WWOX: variants seen among roughly 807,000 people sequenced by gnomAD.
WWOX encodes the protein WW domain containing oxidoreductase, also known as WW domain-containing oxidoreductase.
A neutral mutation model predicts 46.2 loss-of-function variants in WWOX; 69 were observed. The observed-to-expected ratio is 1.49, with a 90% CI of 1.23 to 1.82. The LOEUF is 1.82. Among genes scored for constraint, WWOX ranks in the 40% most tolerant of loss-of-function variants. The pLI is 0.00. For missense variants in WWOX, 919 were observed against 542.6 expected (o/e 1.69, Z -6.89); for synonymous variants, 359 against 202.6 (o/e 1.77, Z -6.56).
At chr16:78,378,787 G>C (rs2081887634) in intron 5 of WWOX, among the ~76,000 whole-genome samples, 2 of 152,226 alleles carry the variant, frequency 1.3e-5, no homozygotes, top group Admixed American at 1.3e-4. Context: ...TCTGAGTGTA[G>C]ATTATTGCCG....
chr16:78,668,278 C>G (rs972298981), intron 8 of WWOX, among the ~76,000 whole-genome samples: 2 of 152,152 alleles, frequency 1.3e-5, no homozygotes, highest in African/African-American at 4.8e-5. Context: ...AAGACTTTGT[C>G]TCAAACAAAC....
chr16:78,706,677 C>G (rs887497100), intron 8 of WWOX, among the ~76,000 whole-genome samples: 4 of 152,212 alleles, frequency 2.6e-5, no homozygotes, highest in African/African-American at 4.8e-5. Flanking sequence ...AAGGCTCTTT[C>G]AGCTGCTCTT....
At chr16:78,648,624 C>T (rs750178693) in intron 8 of WWOX, among the ~76,000 whole-genome samples, 1 of 152,176 alleles carries the variant, frequency 6.6e-6, no homozygotes, top group Non-Finnish European at 1.5e-5. Flanking sequence ...CCAGAGAAAG[C>T]CACATATGCT....
At chr16:78,391,389 G>T (rs955723940) in intron 6 of WWOX, among the ~76,000 whole-genome samples, 2 of 152,182 alleles carry the variant, frequency 1.3e-5, no homozygotes, top group Non-Finnish European at 1.5e-5. Flanking sequence ...AAATTACAAG[G>T]TTGCAGTGCA....
At chr16:78,625,170 A>G (rs377307638) in intron 8 of WWOX, among the ~76,000 whole-genome samples, 1 of 152,148 alleles carries the variant, frequency 6.6e-6, no homozygotes, top group Non-Finnish European at 1.5e-5. Flanking sequence ...ACGCTGAGGG[A>G]TCCTTTGACA....
chr16:78,379,443 C>G lies in WWOX; in HGVS notation c.517-7417C>G, dbSNP rs1326109009. 2.6e-5 allele frequency among the ~76,000 whole-genome samples: 4 copies of G among 152,156 alleles called. No individual in the cohort carries two copies. The East Asian group carries it at 7.7e-4, about 29-fold the overall frequency. The stretch of plus-strand genomic sequence containing the variant: ...AACACAGCCATCTAGTGTACCTGGG[C>G]TTCTTCCACCTCCAGCCACTGTACC... On this transcript the variant is annotated intron_variant, in intron 5 of 8. Coordinates refer to ENST00000566780, the MANE Select transcript of WWOX (RefSeq NM_016373.4).
At chr16:79,049,399 C>A (rs777365441) in intron 8 of WWOX, among the ~76,000 whole-genome samples, 1 of 152,172 alleles carries the variant, frequency 6.6e-6, no homozygotes, top group African/African-American at 2.4e-5. Context: ...CTGCTCAGGG[C>A]TGGCAGTTGT....
At chr16:78,504,136 G>GA (rs2085136138) in intron 8 of WWOX, among the ~76,000 whole-genome samples, 2 of 152,106 alleles carry the variant, frequency 1.3e-5, no homozygotes, top group African/African-American at 4.8e-5. Flanking sequence ...TACAAAGCTA[G>GA]AAACTACAAA....
At chr16:78,658,516 G>A (rs990433878) in intron 8 of WWOX, among the ~76,000 whole-genome samples, 2 of 152,238 alleles carry the variant, frequency 1.3e-5, no homozygotes, top group East Asian at 1.9e-4. Flanking sequence ...ACCTGACATC[G>A]AGGTGTTGGC....
intron 8 of WWOX, among the ~76,000 whole-genome samples, chr16:78,900,088 G>T (rs1461928443): frequency 7.1e-6 from 1 of 141,224 alleles, no homozygotes; most frequent in African/African-American, 2.6e-5. Flanking sequence ...TTCCTGCAGA[G>T]AGCGTTGCTG....
At chr16:78,433,296 T>C (rs2083265605) in intron 8 of WWOX, among the ~76,000 whole-genome samples, 4 of 152,186 alleles carry the variant, frequency 2.6e-5, no homozygotes, top group Non-Finnish European at 5.9e-5. Context: ...AAAGACAATT[T>C]TGGATGAATC....
intron 5 of WWOX, among the ~76,000 whole-genome samples, chr16:78,316,532 GT>G (rs2080358871): frequency 6.6e-6 from 1 of 152,080 alleles, no homozygotes; most frequent in Admixed American, 6.6e-5. Context: ...TAATAGAGAT[GT>G]GGTTTTGCGG....
rs140735261 is a variant in WWOX, at chr16:78,917,100, T to A, written c.1057-294508T>A. 6.8e-3 allele frequency among the ~76,000 whole-genome samples: 1,041 copies of A among 152,324 alleles called. 9 individuals are homozygous for A. The highest frequency in any genetic ancestry group is 0.024 in the African/African-American group (1,007 of 41,574). On this transcript the variant is annotated intron_variant, in intron 8 of 8. Transcript: ENST00000566780. ...CAATATAGTAGGAGAAGACCAGACT[T>A]GCTCTTTTCCTGGAATTTAGTCTGA... is the stretch of plus-strand genomic sequence containing the variant.
intron 8 of WWOX, among the ~76,000 whole-genome samples, chr16:79,107,101 G>A (rs946313776): frequency 6.6e-6 from 1 of 152,070 alleles, no homozygotes; most frequent in African/African-American, 2.4e-5. Flanking sequence ...ATGGGCCACC[G>A]CTCCCAGCCT....
chr16:79,049,013 A>C (rs1352283926), intron 8 of WWOX, among the ~76,000 whole-genome samples: 1 of 152,174 alleles, frequency 6.6e-6, no homozygotes, highest in Non-Finnish European at 1.5e-5. Context: ...TCCCTGAGGG[A>C]CAGGCACTGT....
At chr16:78,936,563 G>C (rs1349) in intron 8 of WWOX, among the ~76,000 whole-genome samples, 78,759 of 152,012 alleles carry the variant, frequency 0.52, 20,594 homozygotes, top group East Asian at 0.62. Flanking sequence ...AAGAATTTCA[G>C]AATTCCAGGA....
At chr16:79,142,644 A>G (rs1478433643) in intron 8 of WWOX, among the ~76,000 whole-genome samples, 1 of 152,202 alleles carries the variant, frequency 6.6e-6, no homozygotes, top group African/African-American at 2.4e-5. Context: ...GTATATCTCA[A>G]AACATTTTTT....
chr16:78,781,523 G>A (rs2050324033), intron 8 of WWOX, among the ~76,000 whole-genome samples: 1 of 152,122 alleles, frequency 6.6e-6, no homozygotes, highest in Admixed American at 6.5e-5. Context: ...ACCCTTTAAT[G>A]GGCGATGGGT....
rs114356837 is a variant in WWOX, at chr16:78,824,142, T to C, written c.1057-387466T>C. Among the ~76,000 whole-genome samples, 1,049 of 152,350 alleles carry C rather than the reference T, an allele frequency of 6.9e-3. 10 individuals carry two copies. Among genetic ancestry groups the C allele is most frequent in the African/African-American group, 0.024 (1,000 of 41,576 alleles). The stretch of plus-strand genomic sequence containing the variant: ...CCTTGAAATAAAGTTTTTAAAAATC[T>C]ATTTGATTTTAAACGATCTTTAGAA... On this transcript the variant is annotated intron_variant, in intron 8 of 8. Transcript: ENST00000566780.
Sources: gnomAD v4.1 joint callset for allele counts (sites outside exome capture counted in the v4.1 genomes callset) on GRCh38, gnomAD v4.1.1 for gene constraint, MANE v1.5 for transcripts, NCBI Gene and HGNC (gene_info 2026-07-23, HGNC 2026-07-21) for gene names.